RORA: variants seen among roughly 807,000 people sequenced by gnomAD.
RORA encodes the protein RAR related orphan receptor A, also known as nuclear receptor ROR-alpha.
A neutral mutation model predicts 69.5 loss-of-function variants in RORA; 7 were observed. The observed-to-expected ratio is 0.10, with a 90% confidence interval of 0.06 to 0.19. The LOEUF (loss-of-function observed/expected upper bound fraction) is 0.19. Among genes scored for constraint, RORA ranks in the 10% least tolerant of loss-of-function variants. The pLI is 1.00. For missense variants in RORA, 457 were observed against 663.0 expected (o/e 0.69, Z 3.41); for synonymous variants, 261 against 240.8 (o/e 1.08, Z -0.78).
chr15:60,836,176 C>T (rs2073112149), intron 1 of RORA, among the ~76,000 whole-genome samples: 1 of 152,188 alleles, frequency 6.6e-6, no homozygotes, highest in African/African-American at 2.4e-5. Flanking sequence ...TCAGCATGTG[C>T]TGGCGTAAAT....
intron 2 of RORA, chr15:60,592,440 C>T: frequency 7.0e-7 from 1 of 1,420,558 alleles, no homozygotes; most frequent in Non-Finnish European, 9.3e-7. Flanking sequence ...GCGGAGAGCG[C>T]AGGGAGAGCG....
At chr15:60,918,475 T>C (rs758848062) in intron 1 of RORA, among the ~76,000 whole-genome samples, 5 of 152,212 alleles carry the variant, frequency 3.3e-5, no homozygotes, top group East Asian at 3.9e-4. Context: ...TTTGCAGTTA[T>C]ATAATTTCAT....
intron 2 of RORA, among the ~76,000 whole-genome samples, chr15:60,543,196 TTTTTTTTTTTTTTTTTA>T (rs2066955209): frequency 4.0e-5 from 1 of 24,896 alleles, no homozygotes. Context: ...TTTTTTTTTT[TTTTTTTTTTTTTTTTTA>T]AGGAAAAAGG....
intron 2 of RORA, among the ~76,000 whole-genome samples, chr15:60,590,025 T>G (rs1182111364): frequency 6.6e-6 from 1 of 152,200 alleles, no homozygotes. Context: ...ATGGAAACAT[T>G]TACAGCATTC....
chr15:61,201,600 A>T (rs927360020), intron 1 of RORA, among the ~76,000 whole-genome samples: 2 of 152,174 alleles, frequency 1.3e-5, no homozygotes, highest in Non-Finnish European at 2.9e-5. Flanking sequence ...TTTTTCCAGG[A>T]AATATTTCTG....
At chr15:60,734,808 T>C (rs1467356497) in intron 1 of RORA, among the ~76,000 whole-genome samples, 2 of 152,232 alleles carry the variant, frequency 1.3e-5, no homozygotes, top group Non-Finnish European at 2.9e-5. Flanking sequence ...AAGTGACAGA[T>C]GGGGCTAGAA....
intron 1 of RORA, among the ~76,000 whole-genome samples, chr15:61,034,456 A>G (rs1260537202): frequency 1.3e-5 from 2 of 152,172 alleles, no homozygotes; most frequent in African/African-American, 4.8e-5. Context: ...TCTGAACGAC[A>G]ATTACAGTTC....
chr15:60,503,796 T>A, intron 6 of RORA, 129 bp from the exon 7 acceptor site: 1 of 1,070,404 alleles, frequency 9.3e-7, no homozygotes. Flanking sequence ...CAAAGTGGGA[T>A]CTTATTTTAT....
At chr15:60,703,081 G>A (rs1417289048) in intron 1 of RORA, among the ~76,000 whole-genome samples, 1 of 151,850 alleles carries the variant, frequency 6.6e-6, no homozygotes, top group East Asian at 1.9e-4. Context: ...TAAAGGAACA[G>A]TGTGGATGGT....
At chr15:60,516,159 A>G (rs1201125742) in intron 3 of RORA, among the ~76,000 whole-genome samples, 2 of 29,734 alleles carry the variant, frequency 6.7e-5, no homozygotes, top group Admixed American at 6.3e-4. Context: ...ATATATATAT[A>G]TTTATATATA....
intron 1 of RORA, among the ~76,000 whole-genome samples, chr15:60,965,141 C>T (rs747833790): frequency 6.6e-6 from 1 of 152,054 alleles, no homozygotes; most frequent in Non-Finnish European, 1.5e-5. Flanking sequence ...CTTCTTAGTC[C>T]AACAGGACTA....
At chr15:61,175,029 A>T (rs765957652) in intron 1 of RORA, among the ~76,000 whole-genome samples, 1 of 152,214 alleles carries the variant, frequency 6.6e-6, no homozygotes, top group Non-Finnish European at 1.5e-5. Flanking sequence ...CAAGAGCCTC[A>T]TGATTTCACA....
chr15:60,834,910 C>T (rs1431373288), intron 1 of RORA, among the ~76,000 whole-genome samples: 30 of 150,470 alleles, frequency 2.0e-4, no homozygotes, highest in Non-Finnish European at 3.5e-4. Flanking sequence ...TTTTTTTTTT[C>T]CCTCCAAAAA....
At chr15:60,912,221 G>A (rs926546704) in intron 1 of RORA, among the ~76,000 whole-genome samples, 1 of 150,114 alleles carries the variant, frequency 6.7e-6, no homozygotes, top group Non-Finnish European at 1.5e-5. Flanking sequence ...GACCAGTCTG[G>A]GCAACATGGC....
intron 1 of RORA, among the ~76,000 whole-genome samples, chr15:60,722,840 A>G (rs548860377): frequency 2.5e-3 from 382 of 152,284 alleles, no homozygotes; most frequent in Non-Finnish European, 4.5e-3. Context: ...CCTCCTTCCC[A>G]TTTCTCATCC....
At chr15:61,201,748 T>C (rs2140926968) in intron 1 of RORA, among the ~76,000 whole-genome samples, 1 of 152,280 alleles carries the variant, frequency 6.6e-6, no homozygotes, top group African/African-American at 2.4e-5. Context: ...TCTCCAACCA[T>C]AGGTTAGGAA....
intron 2 of RORA, among the ~76,000 whole-genome samples, chr15:60,621,164 C>T (rs1199241238): frequency 6.6e-6 from 1 of 152,098 alleles, no homozygotes; most frequent in African/African-American, 2.4e-5. Flanking sequence ...CTTATAATTT[C>T]ACCCACTGTA....
intron 1 of RORA, among the ~76,000 whole-genome samples, chr15:61,024,917 A>G (rs1895724558): frequency 6.6e-6 from 1 of 152,182 alleles, no homozygotes; most frequent in Non-Finnish European, 1.5e-5. Context: ...CCCTTTCCGC[A>G]CTTGATGTTA....
chr15:61,159,250 G>A (rs998335802), intron 1 of RORA, among the ~76,000 whole-genome samples: 2 of 152,158 alleles, frequency 1.3e-5, no homozygotes, highest in South Asian at 2.1e-4. Flanking sequence ...ACACCCCTTC[G>A]AGACACATCT....
Sources: gnomAD v4.1 joint callset for allele counts (sites outside exome capture counted in the v4.1 genomes callset) on GRCh38, gnomAD v4.1.1 for gene constraint, MANE v1.5 for transcripts, NCBI Gene and HGNC (gene_info 2026-07-23, HGNC 2026-07-21) for gene names.